The following NRXN1 variants were observed in gnomAD, a reference collection of about 807,000 sequenced individuals.
The protein encoded by NRXN1 is neurexin-1.
A neutral mutation model predicts 150.9 loss-of-function variants in NRXN1; 39 were observed. The ratio of observed to expected loss-of-function variants is 0.26; its 90% CI spans 0.20 to 0.34. NRXN1 has a LOEUF of 0.34. Among genes scored for constraint, NRXN1 ranks in the 10% least tolerant of loss-of-function variants. The pLI, the probability that NRXN1 is intolerant of heterozygous loss-of-function variation, is 1.00. For synonymous variants in NRXN1, 924 were observed against 757.0 expected (o/e 1.22, Z -3.62); for missense variants, 1,815 against 1,949.9 (o/e 0.93, Z 1.30).
At chr2:50,921,846 G>A in intron 5 of NRXN1, 23 bp downstream of exon 5, 1 of 1,224,956 alleles carries the variant, frequency 8.2e-7, no homozygotes, top group Admixed American at 2.7e-5. Context: ...ATGATATTAA[G>A]AAGAAATAAA....
At chr2:50,201,987 C>T (rs961571561) in intron 18 of NRXN1, among the ~76,000 whole-genome samples, 3 of 152,160 alleles carry the variant, frequency 2.0e-5, no homozygotes, top group African/African-American at 7.2e-5. Flanking sequence ...TACTTTTATT[C>T]AATACATTGT....
chr2:50,981,241 G>C (rs1457171814), intron 2 of NRXN1, among the ~76,000 whole-genome samples: 2 of 151,796 alleles, frequency 1.3e-5, no homozygotes, highest in Non-Finnish European at 2.9e-5. Context: ...TGGATCACTT[G>C]AGGCCAAGAG....
At chr2:50,560,147 T>A (rs780693947) in intron 8 of NRXN1, among the ~76,000 whole-genome samples, 4 of 152,248 alleles carry the variant, frequency 2.6e-5, no homozygotes, top group Non-Finnish European at 4.4e-5. Context: ...TTTCTTATGC[T>A]ATTCACTTTC....
chr2:50,751,925 C>T (rs1328035102), intron 5 of NRXN1, among the ~76,000 whole-genome samples: 1 of 151,866 alleles, frequency 6.6e-6, no homozygotes, highest in East Asian at 1.9e-4. Flanking sequence ...CTGTGTATCA[C>T]CTAGCACAGT....
intron 17 of NRXN1, among the ~76,000 whole-genome samples, chr2:50,382,010 G>C (rs1330416381): frequency 1.3e-5 from 2 of 152,144 alleles, no homozygotes; most frequent in Admixed American, 6.6e-5. Flanking sequence ...GACTGGGCTT[G>C]AGGTAGTTTC....
chr2:50,371,712 A>G (rs11125301), intron 17 of NRXN1, among the ~76,000 whole-genome samples: 1 of 151,718 alleles, frequency 6.6e-6, no homozygotes, highest in Non-Finnish European at 1.5e-5. Context: ...TGGATCCACA[A>G]TTTTATCAGA....
intron 5 of NRXN1, among the ~76,000 whole-genome samples, chr2:50,806,733 G>GTCTC (rs201753044): frequency 6.6e-6 from 1 of 150,768 alleles, no homozygotes; most frequent in Non-Finnish European, 1.5e-5. Flanking sequence ...TTTCCACTCT[G>GTCTC]TCTCTCTCTC....
At chr2:50,657,196 C>A (rs1686612876) in intron 5 of NRXN1, among the ~76,000 whole-genome samples, 1 of 151,950 alleles carries the variant, frequency 6.6e-6, no homozygotes, top group Admixed American at 6.6e-5. Context: ...TTTGCTTTAG[C>A]CACATCCATC....
intron 2 of NRXN1, among the ~76,000 whole-genome samples, chr2:50,984,318 ACTCT>A (rs1300570148): frequency 3.3e-5 from 5 of 150,448 alleles, no homozygotes; most frequent in Non-Finnish European, 3.0e-5. Context: ...TTTTTGTATG[ACTCT>A]CTATCTAAGA....
rs374946107 is a variant in NRXN1 at position 50,147,847 on chromosome 2, G to C, written c.3547-56353C>G. ...ATCCCATGGTGTCTTTTAAAGTACT[G>C]AAAGTTTTCAGACTATATTGCTGAA... On this transcript the variant is annotated intron_variant, in intron 18 of 22. Coordinates refer to ENST00000401669, the MANE Select transcript of NRXN1 (RefSeq NM_001330078.2). 9.9e-5 allele frequency among the ~76,000 whole-genome samples: 15 copies of C among 151,808 alleles called. No individual in the cohort carries two copies. In the East Asian group the frequency reaches 2.3e-3, roughly 24 times the overall value.
chr2:50,870,885 C>T (rs1019105039), intron 5 of NRXN1, among the ~76,000 whole-genome samples: 1 of 151,852 alleles, frequency 6.6e-6, no homozygotes, highest in African/African-American at 2.4e-5. Context: ...GACTTCTGCA[C>T]AACATCCTCA....
chr2:50,303,172 C>T (rs1174900295), intron 17 of NRXN1, among the ~76,000 whole-genome samples: 1 of 152,118 alleles, frequency 6.6e-6, no homozygotes, highest in East Asian at 1.9e-4. Flanking sequence ...GCATATACAA[C>T]CCCAGAACAC....
At chr2:50,031,111 TG>T (rs1289066598) in intron 21 of NRXN1, among the ~76,000 whole-genome samples, 4 of 152,072 alleles carry the variant, frequency 2.6e-5, no homozygotes, top group Admixed American at 2.6e-4. Context: ...GCACACCTTT[TG>T]CACTAATCAA....
chr2:50,012,218 G>A (rs1685808123), intron 21 of NRXN1, among the ~76,000 whole-genome samples: 1 of 152,060 alleles, frequency 6.6e-6, no homozygotes, highest in Admixed American at 6.6e-5. Context: ...ACAGGGGCAT[G>A]AATTACTAGA....
At position 50,600,393 on chromosome 2, in the gene NRXN1, T is replaced by C. The variant is rs528839143; in HGVS notation, c.1320+19629A>G. Reference sequence around the variant, plus strand: ...AGGCTGGAGTGCAGTGGTGCCATCTTGGCTCACTGCAACCTCCACCTCCCG... The same window carrying C: ...AGGCTGGAGTGCAGTGGTGCCATCTCGGCTCACTGCAACCTCCACCTCCCG... On this transcript the variant is annotated intron_variant, in intron 8 of 22. Transcript: ENST00000401669. Among the ~76,000 whole-genome samples the C allele has an allele frequency of 4.0e-5, 6 of 151,154 alleles. No homozygotes were observed. In the East Asian group the frequency reaches 1.2e-3, roughly 30 times the overall value.
chr2:50,472,795 T>TTGTGTGTGTGTGTGTGTGTGTGTGTG (rs113192574), intron 15 of NRXN1, among the ~76,000 whole-genome samples: 1 of 138,564 alleles, frequency 7.2e-6, no homozygotes, highest in African/African-American at 2.9e-5. Flanking sequence ...CCCTACAGCC[T>TTGTGTGTGTGTGTGTGTGTGTGTGTG]TGTGTGTGTG....
At chr2:50,586,214 T>C (rs544424892) in intron 8 of NRXN1, among the ~76,000 whole-genome samples, 19 of 152,258 alleles carry the variant, frequency 1.2e-4, no homozygotes, top group African/African-American at 3.4e-4. Flanking sequence ...TTCCTCAATA[T>C]AGCCAAAGGG....
chr2:50,294,402 A>G (rs1332289296), intron 17 of NRXN1, among the ~76,000 whole-genome samples: 1 of 152,206 alleles, frequency 6.6e-6, no homozygotes, highest in Non-Finnish European at 1.5e-5. Context: ...GATTTATGAT[A>G]CTTTGTATTC....
intron 5 of NRXN1, among the ~76,000 whole-genome samples, chr2:50,736,953 T>C (rs1017221582): frequency 6.6e-6 from 1 of 152,084 alleles, no homozygotes; most frequent in African/African-American, 2.4e-5. Flanking sequence ...TAGTGGTATC[T>C]TGAATTAAGA....
Sources: gnomAD v4.1 joint callset for allele counts (sites outside exome capture counted in the v4.1 genomes callset) on GRCh38, gnomAD v4.1.1 for gene constraint, MANE v1.5 for transcripts, NCBI Gene and HGNC (gene_info 2026-07-23, HGNC 2026-07-21) for gene names.